LSAMP: variants seen among roughly 807,000 people sequenced by gnomAD.
The protein encoded by LSAMP is limbic system associated membrane protein.
In LSAMP, 7 loss-of-function variants were observed where a neutral mutation model predicts 38.6. The observed-to-expected ratio is 0.18, with a 90% CI of 0.10 to 0.34. LSAMP has a LOEUF of 0.34. LSAMP is among the 10% of genes least tolerant of loss of function. LSAMP has a pLI of 1.00. For synonymous variants in LSAMP, 154 were observed against 166.8 expected (o/e 0.92, Z 0.59); for missense variants, 313 against 420.0 (o/e 0.75, Z 2.23).
rs759661261 is a variant in LSAMP, at chr3:116,363,821, C to G, written c.155+81056G>C. ...TGAAAAAATTCAACAACCCTTCATG[C>G]TAAAAACTCTCAATAAATTAGGTAT... On this transcript the variant is annotated intron_variant, in intron 1 of 6. Coordinates refer to ENST00000490035, the MANE Select transcript of LSAMP (RefSeq NM_002338.5). Among the ~76,000 whole-genome samples, 8 of 148,606 alleles carry G rather than the reference C, an allele frequency of 5.4e-5. No homozygotes were observed. The East Asian group carries it at 1.4e-3, about 26-fold the overall frequency.
chr3:116,316,084 G>A (rs181831372), intron 1 of LSAMP, among the ~76,000 whole-genome samples: 28 of 152,320 alleles, frequency 1.8e-4, no homozygotes, highest in African/African-American at 4.6e-4. Context: ...AGTCACAGAA[G>A]TGAGACATCC....
At chr3:116,384,408 T>C (rs2048599771) in intron 1 of LSAMP, among the ~76,000 whole-genome samples, 1 of 152,158 alleles carries the variant, frequency 6.6e-6, no homozygotes. Context: ...CTATGATGCA[T>C]GGCCTACATC....
At chr3:116,177,470 TGC>T (rs1323251982) in intron 1 of LSAMP, among the ~76,000 whole-genome samples, 1 of 152,024 alleles carries the variant, frequency 6.6e-6, no homozygotes, top group Non-Finnish European at 1.5e-5. Flanking sequence ...ATTCAATAAA[TGC>T]AAAATAGGTT....
rs1202102653 is a variant in LSAMP, at chr3:116,316,798, GAA to G, written c.155+128077_155+128078del. Among the ~76,000 whole-genome samples, 226 of 141,754 alleles carry G rather than the reference GAA, an allele frequency of 1.6e-3. 1 individual carries two copies. The highest frequency in any genetic ancestry group is 5.2e-3 in the African/African-American group (204 of 39,212). The allele number at this position is 141,754 out of a possible 152,430, so 93.0% of individuals were successfully genotyped here. A position where few individuals can be genotyped will look rare whatever the true frequency, so the allele number is the denominator to read the frequency against. On this transcript the variant is annotated intron_variant, in intron 1 of 6. Transcript: ENST00000490035. The stretch of plus-strand genomic sequence containing the variant: ...AAAAAGAAAAAAAAAAAAAAAAAGA[GAA>G]AGAAAGAAAGGTAAGGAAAGTAAGA...
intron 3 of LSAMP, among the ~76,000 whole-genome samples, chr3:115,946,155 G>A (rs900647611): frequency 2.6e-5 from 4 of 152,048 alleles, no homozygotes; most frequent in Non-Finnish European, 5.9e-5. Context: ...ATAAAAGCTG[G>A]GTTAAAATAA....
intron 1 of LSAMP, among the ~76,000 whole-genome samples, chr3:116,142,447 G>A (rs1450639759): frequency 6.6e-6 from 1 of 151,978 alleles, no homozygotes; most frequent in African/African-American, 2.4e-5. Context: ...TCCAGCCTGT[G>A]CAGGTGCAAT....
chr3:116,170,286 G>A (rs1710164661), intron 1 of LSAMP, among the ~76,000 whole-genome samples: 2 of 151,318 alleles, frequency 1.3e-5, no homozygotes, highest in East Asian at 1.9e-4. Flanking sequence ...TAAGCCAATC[G>A]GAGGAAGCCA....
At chr3:115,869,699 T>C (rs1165295945) in intron 3 of LSAMP, among the ~76,000 whole-genome samples, 1 of 152,154 alleles carries the variant, frequency 6.6e-6, no homozygotes, top group African/African-American at 2.4e-5. Context: ...ATAATCATTT[T>C]CAAGAGTCTT....
At chr3:116,443,897 A>C (rs532808980) in intron 1 of LSAMP, among the ~76,000 whole-genome samples, 1 of 152,338 alleles carries the variant, frequency 6.6e-6, no homozygotes, top group East Asian at 1.9e-4. Context: ...GGAAGAGAAA[A>C]GAGAAGCACA....
intron 6 of LSAMP, among the ~76,000 whole-genome samples, chr3:115,818,316 G>A (rs767069010): frequency 1.3e-5 from 2 of 152,094 alleles, no homozygotes; most frequent in African/African-American, 4.8e-5. Context: ...GCCACAGAGC[G>A]ATGCTCTTTC....
At chr3:116,265,022 G>C (rs1460124849) in intron 1 of LSAMP, among the ~76,000 whole-genome samples, 1 of 152,128 alleles carries the variant, frequency 6.6e-6, no homozygotes, top group Non-Finnish European at 1.5e-5. Flanking sequence ...CTCTCTAGAG[G>C]CTCCTTCCTA....
chr3:116,350,364 GT>G (rs2107764417), intron 1 of LSAMP, among the ~76,000 whole-genome samples: 1 of 152,074 alleles, frequency 6.6e-6, no homozygotes, highest in East Asian at 1.9e-4. Flanking sequence ...TCCTTTATCT[GT>G]GGTTTCACTT....
At chr3:116,369,562 T>A (rs1043842475) in intron 1 of LSAMP, among the ~76,000 whole-genome samples, 9 of 152,006 alleles carry the variant, frequency 5.9e-5, no homozygotes, top group African/African-American at 2.2e-4. Context: ...GGCACAGAGA[T>A]TTAAAGAAAA....
chr3:116,241,045 C>T lies in LSAMP; in HGVS notation c.156-154489G>A, dbSNP rs201295486. On this transcript the variant is annotated intron_variant, in intron 1 of 6. Coordinates refer to ENST00000490035, the MANE Select transcript of LSAMP (RefSeq NM_002338.5). Reference sequence around the variant, plus strand: ...ACAAACAATTAGCCGGGCATGGTGGCGCATGCCTGTAGTCCCAGCTACACA... The same window carrying T: ...ACAAACAATTAGCCGGGCATGGTGGTGCATGCCTGTAGTCCCAGCTACACA... Among the ~76,000 whole-genome samples, 57 of 152,018 alleles carry T rather than the reference C, an allele frequency of 3.7e-4. No homozygotes were observed. In the East Asian group the frequency reaches 6.0e-3, roughly 16 times the overall value.
Position 115,987,347 on chromosome 3 carries a change from C to T in LSAMP, c.514+32168G>A, listed in dbSNP as rs142974097. 1.8e-4 allele frequency among the ~76,000 whole-genome samples: 27 copies of T among 152,260 alleles called. 1 individual carries two copies. In the East Asian group the frequency reaches 5.0e-3, roughly 28 times the overall value. On this transcript the variant is annotated intron_variant, in intron 3 of 6. Coordinates refer to ENST00000490035, the MANE Select transcript of LSAMP (RefSeq NM_002338.5). The stretch of plus-strand genomic sequence containing the variant: ...CTGTTCTTTCCCTCTTCCCCCTTCA[C>T]AGTGACCTTGGAGGCCATGTTTTTC...
intron 3 of LSAMP, among the ~76,000 whole-genome samples, chr3:115,952,155 T>TAGACATTCCTTAAAGAACTAAA (rs1376673214): frequency 6.6e-6 from 1 of 152,172 alleles, no homozygotes; most frequent in East Asian, 1.9e-4. Context: ...GAAAACAGTA[T>TAGACATTCCTTAAAGAACTAAA]AGACATTCCT....
intron 1 of LSAMP, among the ~76,000 whole-genome samples, chr3:116,165,073 C>T (rs906537872): frequency 6.6e-5 from 10 of 152,120 alleles, no homozygotes; most frequent in African/African-American, 2.4e-4. Context: ...ATTAATCATG[C>T]AATGCTTCAT....
Position 115,810,245 on chromosome 3 carries a change from GTCTC to G in LSAMP, c.*68_*71del, listed in dbSNP as rs34933256. ...CATCTCTCTCTCTCTCTCTCTCTCT[GTCTC>G]TCTCTCTCTGTATTCTGTGTGACGC... On this transcript the variant is annotated 3_prime_UTR_variant, in exon 7 of 7. Transcript: ENST00000490035. 5 of 839,890 alleles carry G rather than the reference GTCTC, an allele frequency of 6.0e-6. No homozygotes were observed. Among genetic ancestry groups the G allele is most frequent in the South Asian group, 1.8e-5 (1 of 54,862 alleles). The allele number at this position is 839,890 out of a possible 1,614,324, so 52.0% of individuals were successfully genotyped here.
At chr3:116,040,636 G>C (rs1941147443) in intron 2 of LSAMP, among the ~76,000 whole-genome samples, 1 of 152,234 alleles carries the variant, frequency 6.6e-6, no homozygotes, top group Non-Finnish European at 1.5e-5. Context: ...ACACCGTTTG[G>C]AATACCTTTG....
Sources: allele counts gnomAD v4.1 joint callset (sites outside exome capture counted in the v4.1 genomes callset), GRCh38; gene constraint gnomAD v4.1.1; transcripts MANE v1.5; gene names NCBI Gene and HGNC (gene_info 2026-07-23, HGNC 2026-07-21).